PAPPA: variants seen among roughly 807,000 people sequenced by gnomAD.
The protein encoded by PAPPA is pappalysin-1.
PAPPA carries 60 observed loss-of-function variants against 164.0 expected under a neutral mutation model. The ratio of observed to expected loss-of-function variants is 0.37; its 90% CI spans 0.30 to 0.45. The LOEUF is 0.45. Among genes scored for constraint, PAPPA ranks in the 20% least tolerant of loss-of-function variants. The pLI, the probability that PAPPA is intolerant of heterozygous loss-of-function variation, is 1.00. For missense variants in PAPPA, 1,782 were observed against 2,087.3 expected, an observed-to-expected ratio of 0.85 and a Z score of 2.85; for synonymous variants, 875 against 814.1, an observed-to-expected ratio of 1.07 and a Z score of -1.27.
intron 10 of PAPPA, among the ~76,000 whole-genome samples, chr9:116,308,005 C>T (rs1845668711): frequency 6.6e-6 from 1 of 152,182 alleles, no homozygotes; most frequent in African/African-American, 2.4e-5. Context: ...TTGTTCATGT[C>T]AGGTTTCCTT....
chr9:116,184,879 C>G (rs1051755375), intron 1 of PAPPA, among the ~76,000 whole-genome samples: 5 of 152,138 alleles, frequency 3.3e-5, no homozygotes, highest in African/African-American at 1.2e-4. Flanking sequence ...CCTGCTGTAG[C>G]AAGGTGCTGG....
At position 116,335,084 on chromosome 9, in the gene PAPPA, C is replaced by T. The variant is rs899776728; in HGVS notation, c.3611+10C>T. The T allele has an allele frequency of 1.9e-6, 3 of 1,607,294 alleles. No individual in the cohort carries two copies. The highest frequency in any genetic ancestry group is 4.5e-5 in the East Asian group (2 of 44,856). On this transcript the variant is annotated intron_variant, in intron 13 of 21. Coordinates refer to ENST00000328252, the MANE Select transcript of PAPPA (RefSeq NM_002581.5). ...GCCCTGCCGAGCAGAGGTAAGGGATCCGCGGCAGACTCGCCCTAGGCCACT... is the reference window on the plus strand; with the variant it reads ...GCCCTGCCGAGCAGAGGTAAGGGATTCGCGGCAGACTCGCCCTAGGCCACT...
chr9:116,172,938 A>T (rs1242003363), intron 1 of PAPPA, among the ~76,000 whole-genome samples: 2 of 152,206 alleles, frequency 1.3e-5, no homozygotes, highest in Non-Finnish European at 2.9e-5. Context: ...ATCACTGAGG[A>T]TATGAAGTCA....
chr9:116,289,658 A>G (rs1845411796), intron 9 of PAPPA, among the ~76,000 whole-genome samples: 2 of 152,164 alleles, frequency 1.3e-5, no homozygotes, highest in Admixed American at 1.3e-4. Context: ...TTAGAATCAT[A>G]TAGAATGTCT....
chr9:116,277,955 A>G (rs1481778331), intron 9 of PAPPA, among the ~76,000 whole-genome samples: 1 of 152,222 alleles, frequency 6.6e-6, no homozygotes, highest in Non-Finnish European at 1.5e-5. Flanking sequence ...GGCGTGAGCC[A>G]CCGTGCCTGA....
At chr9:116,171,433 C>G (rs978057701) in intron 1 of PAPPA, among the ~76,000 whole-genome samples, 1 of 152,174 alleles carries the variant, frequency 6.6e-6, no homozygotes, top group Admixed American at 6.5e-5. Flanking sequence ...TTCTCAACAA[C>G]AAACACATGG....
intron 1 of PAPPA, among the ~76,000 whole-genome samples, chr9:116,186,388 T>C (rs1053122513): frequency 1.1e-4 from 16 of 152,014 alleles, no homozygotes; most frequent in Admixed American, 5.9e-4. Context: ...TGCCTTCCAT[T>C]CTCTGGGACT....
At chr9:116,227,638 T>C (rs996974243) in intron 6 of PAPPA, 86 bp downstream of exon 6, 3 of 1,413,030 alleles carry the variant, frequency 2.1e-6, no homozygotes, top group African/African-American at 2.9e-5. Flanking sequence ...ATTATTTTTA[T>C]GGGTCTTTGC....
At chr9:116,368,247 G>A (rs1846528046) in intron 19 of PAPPA, among the ~76,000 whole-genome samples, 1 of 152,226 alleles carries the variant, frequency 6.6e-6, no homozygotes, top group Non-Finnish European at 1.5e-5. Context: ...ATTAATAGGT[G>A]TCTAGCAAAC....
rs1253979453 is a variant in PAPPA at position 116,154,230 on chromosome 9, G to C, written c.58G>C (p.Gly20Arg). The change falls in exon 1 of 22, where the codon GGG becomes CGG. Residue 20 changes from glycine (G) to arginine (R), a missense_variant. This residue lies in a region of PAPPA where 458 missense variants were observed against 430.3 expected (regional missense o/e 1.06). Coordinates refer to ENST00000328252, the MANE Select transcript of PAPPA (RefSeq NM_002581.5). The surrounding 1 kb of genome is among the most constrained non-coding windows in gnomAD (Gnocchi z 5.2). ...GCTGCTGAGCGCCGCGCTGGGCTGC[G>C]GGCTGGCCGAGCGTCCCCGCCGGGC... Reference protein sequence around the residue: ...LGLLSAALGCGLAERPRRARR... With the variant: ...LGLLSAALGCRLAERPRRARR... The C allele has an allele frequency of 3.5e-6, 5 of 1,436,820 alleles. No homozygotes were observed. Among genetic ancestry groups the C allele is most frequent in the African/African-American group, 3.0e-5 (2 of 66,960 alleles). 89.0% of individuals were successfully genotyped at this position (1,436,820 alleles called of 1,614,324 possible).
In PAPPA at chr9:116,154,155, C is replaced by CGGGGGCGTGGGGGGGGG; in HGVS notation, c.-13_-12insCGTGGGGGGGGGGGGGG. On this transcript the variant is annotated 5_prime_UTR_variant, in exon 1 of 22. Coordinates refer to ENST00000328252, the MANE Select transcript of PAPPA (RefSeq NM_002581.5). This position sits in a 1 kb window ranked among gnomAD's most constrained non-coding sequence, Gnocchi z 5.2. ...TGGCGGTGCAGGGGCGAAGGGGGGG[C>CGGGGGCGTGGGGGGGGG]GGGGGGAACCGTCGGACATGCGGCT... 1 of 464,926 alleles carries CGGGGGCGTGGGGGGGGG rather than the reference C, an allele frequency of 2.2e-6. No homozygotes were observed. The allele number at this position is 464,926 out of a possible 1,614,324, so 28.8% of individuals were successfully genotyped here.
chr9:116,186,823 A>G (rs570471583), intron 1 of PAPPA, among the ~76,000 whole-genome samples: 1 of 152,292 alleles, frequency 6.6e-6, no homozygotes, highest in Non-Finnish European at 1.5e-5. Flanking sequence ...TGTTGTTGCA[A>G]CAACTTCATT....
chr9:116,286,238 T>G (rs1845337399), intron 9 of PAPPA: 1 of 152,122 alleles, frequency 6.6e-6, no homozygotes, highest in Admixed American at 6.6e-5. Flanking sequence ...GCTTTAGAAT[T>G]TTAGAAGAAT....
chr9:116,284,680 T>C (rs1481310748), intron 9 of PAPPA, among the ~76,000 whole-genome samples: 2 of 151,802 alleles, frequency 1.3e-5, no homozygotes, highest in Admixed American at 1.3e-4. Context: ...GCTGCAAGTG[T>C]TTTTCCTAAT....
chr9:116,166,085 C>A (rs961724627), intron 1 of PAPPA, among the ~76,000 whole-genome samples: 5 of 152,148 alleles, frequency 3.3e-5, no homozygotes, highest in African/African-American at 1.2e-4. Context: ...AGCTCAGGAA[C>A]CTTAGGCATG....
chr9:116,175,211 G>A (rs545422650), intron 1 of PAPPA, among the ~76,000 whole-genome samples: 10 of 152,130 alleles, frequency 6.6e-5, no homozygotes, highest in African/African-American at 1.7e-4. Context: ...AACAAGGACC[G>A]CCACTCTTGC....
At chr9:116,156,356 A>ATGTG (rs1843605539) in intron 1 of PAPPA, among the ~76,000 whole-genome samples, 1 of 136,368 alleles carries the variant, frequency 7.3e-6, no homozygotes, top group African/African-American at 2.6e-5. Context: ...ATGTATATAT[A>ATGTG]TATATATAAC....
At chr9:116,168,968 G>A (rs1235823653) in intron 1 of PAPPA, among the ~76,000 whole-genome samples, 2 of 152,146 alleles carry the variant, frequency 1.3e-5, no homozygotes, top group Admixed American at 6.5e-5. Context: ...GTCGGTGAGG[G>A]CTGGCTAAAC....
intron 21 of PAPPA, among the ~76,000 whole-genome samples, chr9:116,393,280 T>A (rs1846918322): frequency 6.6e-6 from 1 of 152,140 alleles, no homozygotes; most frequent in Non-Finnish European, 1.5e-5. Context: ...TTCAGCCAGA[T>A]GAGAAGTTAG....
Sources: allele counts gnomAD v4.1 joint callset (sites outside exome capture counted in the v4.1 genomes callset), GRCh38; gene constraint gnomAD v4.1.1; regional missense constraint gnomAD v4.1.1; non-coding constraint Gnocchi (gnomAD v3.1); transcripts MANE v1.5; gene names NCBI Gene and HGNC (gene_info 2026-07-23, HGNC 2026-07-21).